The following DIS3L2 variants were observed in gnomAD, a reference collection of about 807,000 sequenced individuals.
DIS3L2 encodes DIS3-like exonuclease 2.
In DIS3L2, 34 loss-of-function variants were observed where a neutral mutation model predicts 97.5. The observed-to-expected ratio is 0.35, with a 90% CI of 0.27 to 0.46. The LOEUF (loss-of-function observed/expected upper bound fraction) is 0.46, where lower values mean the gene tolerates loss of function less well. Ranked by LOEUF, DIS3L2 falls within the 20% of genes least tolerant of loss-of-function variation. DIS3L2 has a pLI of 1.00. For synonymous variants in DIS3L2, 435 were observed against 445.2 expected, an observed-to-expected ratio of 0.98 and a Z score of 0.29; for missense variants, 1,038 against 1,146.0, an observed-to-expected ratio of 0.91 and a Z score of 1.36.
chr2:232,038,776 G>A (rs1312538817), intron 5 of DIS3L2, among the ~76,000 whole-genome samples: 2 of 152,150 alleles, frequency 1.3e-5, no homozygotes, highest in African/African-American at 4.8e-5. Flanking sequence ...GTTGAGGTCT[G>A]GAGGAAAGGT....
At chr2:231,975,704 CAAAAAAAAAAAAA>C (rs34710079) in intron 1 of DIS3L2, among the ~76,000 whole-genome samples, 1 of 55,410 alleles carries the variant, frequency 1.8e-5, no homozygotes, top group Non-Finnish European at 3.5e-5. Context: ...GACTCCGCCT[CAAAAAAAAAAAAA>C]AAAAAAAAAA....
At chr2:232,118,146 A>G (rs1367272479) in intron 6 of DIS3L2, among the ~76,000 whole-genome samples, 1 of 152,160 alleles carries the variant, frequency 6.6e-6, no homozygotes, top group African/African-American at 2.4e-5. Context: ...ATGTGGCCGC[A>G]TGCTTTATCA....
chr2:232,211,446 C>A (rs1692188770), intron 10 of DIS3L2, among the ~76,000 whole-genome samples: 1 of 152,164 alleles, frequency 6.6e-6, no homozygotes, highest in Non-Finnish European at 1.5e-5. Flanking sequence ...ATGCCCAGCA[C>A]CCCCAATCCC....
chr2:232,316,356 G>A (rs1170525658), intron 14 of DIS3L2, among the ~76,000 whole-genome samples: 3 of 151,934 alleles, frequency 2.0e-5, no homozygotes, highest in East Asian at 1.9e-4. Flanking sequence ...AGTGTCATTC[G>A]CCTCCACACT....
chr2:232,240,135 C>T (rs762882868), intron 11 of DIS3L2, among the ~76,000 whole-genome samples: 3 of 152,228 alleles, frequency 2.0e-5, no homozygotes, highest in African/African-American at 4.8e-5. Context: ...CTGCCATAGC[C>T]GCCTTCAATA....
chr2:232,318,169 C>T (rs1241463201), intron 14 of DIS3L2, among the ~76,000 whole-genome samples: 1 of 152,220 alleles, frequency 6.6e-6, no homozygotes, highest in African/African-American at 2.4e-5. Context: ...TCGGGGTGCC[C>T]AGGAAGCTGG....
chr2:232,135,956 C>T (rs764407472), intron 7 of DIS3L2, among the ~76,000 whole-genome samples: 12 of 152,092 alleles, frequency 7.9e-5, no homozygotes, highest in Non-Finnish European at 1.8e-4. Flanking sequence ...GGAGTGGTGG[C>T]CTCAATCTTC....
intron 1 of DIS3L2, among the ~76,000 whole-genome samples, chr2:231,981,598 T>TTATATATGTA: frequency 1.2e-5 from 1 of 84,056 alleles, no homozygotes. Flanking sequence ...GTTAAGTATT[T>TTATATATGTA]TATATATATA....
At chr2:231,976,652 T>C (rs1490649368) in intron 1 of DIS3L2, among the ~76,000 whole-genome samples, 2 of 151,508 alleles carry the variant, frequency 1.3e-5, no homozygotes, top group Non-Finnish European at 2.9e-5. Flanking sequence ...AATTACAAAT[T>C]GAAAATGATT....
chr2:232,016,198 C>G (rs931783171), intron 3 of DIS3L2, among the ~76,000 whole-genome samples: 3 of 152,176 alleles, frequency 2.0e-5, no homozygotes, highest in African/African-American at 7.2e-5. Flanking sequence ...TTGTTGAGTG[C>G]TTTATACTTT....
chr2:231,966,394 TC>T (rs1247773655), intron 1 of DIS3L2, among the ~76,000 whole-genome samples: 1 of 151,908 alleles, frequency 6.6e-6, no homozygotes, highest in East Asian at 1.9e-4. Context: ...GGTCTCAAAC[TC>T]CTGACCTCAA....
intron 5 of DIS3L2, among the ~76,000 whole-genome samples, chr2:232,086,595 ATATATATGTGTGTGTG>A: frequency 1.6e-5 from 2 of 124,994 alleles, no homozygotes; most frequent in African/African-American, 6.2e-5. Flanking sequence ...AAATATATAT[ATATATATGTGTGTGTG>A]TGTATATATA....
intron 5 of DIS3L2, among the ~76,000 whole-genome samples, chr2:232,064,497 A>C (rs569537845): frequency 6.6e-6 from 1 of 152,292 alleles, no homozygotes; most frequent in South Asian, 2.1e-4. Flanking sequence ...CCCTGTGAAC[A>C]CTGCTGTACA....
At chr2:232,080,900 CAAAAA>C (rs34838591) in intron 5 of DIS3L2, among the ~76,000 whole-genome samples, 2 of 116,298 alleles carry the variant, frequency 1.7e-5, no homozygotes, top group Non-Finnish European at 1.8e-5. Flanking sequence ...AGCTCTGTCT[CAAAAA>C]AAAAAAAAAA....
chr2:232,225,981 G>A (rs1692634826), intron 10 of DIS3L2, among the ~76,000 whole-genome samples: 1 of 152,208 alleles, frequency 6.6e-6, no homozygotes, highest in African/African-American at 2.4e-5. Flanking sequence ...CATCTATAGA[G>A]ACCAGAAATA....
At chr2:232,081,625 C>G (rs918056556) in intron 5 of DIS3L2, among the ~76,000 whole-genome samples, 5 of 152,064 alleles carry the variant, frequency 3.3e-5, no homozygotes, top group African/African-American at 1.2e-4. Flanking sequence ...CCATAGTTGA[C>G]CAGAGAAGCC....
rs1695707510 is a variant in DIS3L2, at chr2:232,330,632, C to T, written c.1924-58C>T. 4 of 1,572,908 alleles carry T rather than the reference C, an allele frequency of 2.5e-6. No homozygotes were observed. The South Asian group carries it at 4.4e-5, about 17-fold the overall frequency. On this transcript the variant is annotated intron_variant, in intron 15 of 20. Transcript: ENST00000325385. The stretch of plus-strand genomic sequence containing the variant: ...GAGGTGCTCAGCGGATGACAGGGCC[C>T]AGAGTCTCTGCCCGAGCTGGACCAC...
In DIS3L2 at chr2:232,163,471, G is replaced by A. The variant is rs368863176; in HGVS notation, c.963G>A (p.Lys321=). The A allele has an allele frequency of 2.0e-4, 323 of 1,613,954 alleles. No individual in the cohort carries two copies. Among genetic ancestry groups the A allele is most frequent in the Middle Eastern group, 3.3e-4 (2 of 6,062 alleles). Residue 321 remains lysine (K), a synonymous_variant, in exon 9 of 21, where the codon AAG becomes AAA. Coordinates refer to ENST00000325385, the MANE Select transcript of DIS3L2 (RefSeq NM_152383.5). The stretch of plus-strand genomic sequence containing the variant: ...GTTCTATCCATAGGCAGCTGGCTAA[G>A]AGTCTTGGGCAGGCTGGTGAAATTG... ...DCNFALGQLA[K]SLGQAGEIEP...
chr2:232,148,942 C>A (rs1416366027), intron 8 of DIS3L2, among the ~76,000 whole-genome samples: 1 of 147,648 alleles, frequency 6.8e-6, no homozygotes, highest in Non-Finnish European at 1.5e-5. Context: ...AAGCAGCCAA[C>A]TCCAAATATA....
Sources: allele counts gnomAD v4.1 joint callset (sites outside exome capture counted in the v4.1 genomes callset), GRCh38; gene constraint gnomAD v4.1.1; transcripts MANE v1.5; gene names NCBI Gene and HGNC (gene_info 2026-07-23, HGNC 2026-07-21).